Variants in FAM149A observed in about 807,000 individuals in gnomAD.
FAM149A encodes the protein family with sequence similarity 149 member A.
A neutral mutation model predicts 78.2 loss-of-function variants in FAM149A; 71 were observed. The ratio of observed to expected loss-of-function variants is 0.91; its 90% CI spans 0.75 to 1.11. FAM149A has a LOEUF of 1.11. Among genes scored for constraint, FAM149A ranks in the 50% least tolerant of loss-of-function variants. The pLI, the probability that FAM149A is intolerant of heterozygous loss-of-function variation, is 0.00. For missense variants in FAM149A, 1,036 were observed against 971.0 expected (o/e 1.07, Z -0.89); for synonymous variants, 446 against 410.5 (o/e 1.09, Z -1.04).
At chr4:186,136,980 C>CTCTCTCTCTCTCTCTCTCTCTT (rs2099323369) in intron 1 of FAM149A, among the ~76,000 whole-genome samples, 1 of 116,008 alleles carries the variant, frequency 8.6e-6, no homozygotes, top group Non-Finnish European at 1.8e-5. Context: ...CTCTCTTTCT[C>CTCTCTCTCTCTCTCTCTCTCTT]TCTCTCTCTC....
chr4:186,154,683 A>T, intron 6 of FAM149A, 45 bp downstream of exon 6: 1 of 1,545,844 alleles, frequency 6.5e-7, no homozygotes, highest in Non-Finnish European at 8.8e-7. Context: ...AATAATATTA[A>T]TTTATTTGAC....
chr4:186,105,690 C>G, intron 1 of FAM149A, 48 bp downstream of exon 1: 1 of 1,023,544 alleles, frequency 9.8e-7, no homozygotes, highest in Non-Finnish European at 1.2e-6. Context: ...CCGGGACCCC[C>G]GACCCCTCCG....
chr4:186,146,854 G>A, intron 1 of FAM149A: 1 of 985,464 alleles, frequency 1.0e-6, no homozygotes, highest in Non-Finnish European at 1.2e-6. Context: ...ATTCTGTAGT[G>A]AAAATGAGTT....
intron 6 of FAM149A, chr4:186,154,851 A>G (rs996432774): frequency 2.0e-6 from 2 of 985,212 alleles, no homozygotes; most frequent in African/African-American, 1.7e-5. Flanking sequence ...GTGCCCTTGT[A>G]AAAGCAGACA....
intron 8 of FAM149A, chr4:186,158,276 C>T (rs1370852635): frequency 8.1e-7 from 1 of 1,227,948 alleles, no homozygotes; most frequent in African/African-American, 1.6e-5. Context: ...AGGCGACCAC[C>T]AGCCTCTCAG....
chr4:186,105,624 A>C lies in FAM149A; in HGVS notation c.548A>C (p.Asp183Ala). ...GGCGAGGAGGGGGCCTCGGACGGCG[A>C]CTCCGGGGATGGCGAAGCGTGAGTA... The change falls in exon 1 of 14, where the codon GAC (aspartate) becomes GCC (alanine). Residue 183 changes from aspartate to alanine, a missense_variant. This residue lies in a region of FAM149A where 316 missense variants were observed against 241.9 expected (regional missense o/e 1.31). Coordinates refer to ENST00000389354, the MANE Select transcript of FAM149A (RefSeq NM_001367768.3). The C allele has an allele frequency of 9.5e-7, 1 of 1,049,782 alleles. No homozygotes were observed. The highest frequency in any genetic ancestry group is 2.6e-5 in the South Asian group (1 of 38,462). The allele number at this position is 1,049,782 out of a possible 1,614,324, so 65.0% of individuals were successfully genotyped here. A position where few individuals can be genotyped will look rare whatever the true frequency, so the allele number is the denominator to read the frequency against.
At chr4:186,166,649 TAAAA>T (rs76402174) in intron 11 of FAM149A, among the ~76,000 whole-genome samples, 2,393 of 105,030 alleles carry the variant, frequency 0.023, 78 homozygotes, top group African/African-American at 0.077. Flanking sequence ...AGACTCTGTT[TAAAA>T]AAAAAAAAAA....
At chr4:186,136,990 C>CTCTCTCTCTCTCTCTT (rs2099323457) in intron 1 of FAM149A, among the ~76,000 whole-genome samples, 2 of 92,796 alleles carry the variant, frequency 2.2e-5, no homozygotes, top group African/African-American at 6.4e-5. Flanking sequence ...CTCTCTCTCT[C>CTCTCTCTCTCTCTCTT]TCTCTCTCTC....
chr4:186,157,596 G>A lies in FAM149A; in HGVS notation c.1452G>A (p.Val484=). The A allele has an allele frequency of 6.2e-7, 1 of 1,614,164 alleles. No homozygotes were observed. The highest frequency in any genetic ancestry group is 8.5e-7 in the Non-Finnish European group (1 of 1,179,988). ...AAAAACAGAGAGAAACATTGAAAGT[G>A]GCTGGAAACAGATTTCCGCACGTCC... Residue 484 remains valine (V), a synonymous_variant, in exon 8 of 14, where the codon GTG becomes GTA. Transcript: ENST00000389354.
intron 1 of FAM149A, among the ~76,000 whole-genome samples, chr4:186,119,876 T>A (rs2099315239): frequency 6.6e-6 from 1 of 152,200 alleles, no homozygotes; most frequent in African/African-American, 2.4e-5. Flanking sequence ...CCAGTTGAAC[T>A]AAGAGCCTAC....
chr4:186,108,966 G>C (rs1161038875), intron 1 of FAM149A: 4 of 151,186 alleles, frequency 2.6e-5, no homozygotes, highest in Non-Finnish European at 4.4e-5. Context: ...TCCTGCCTCA[G>C]CCTCCCGAGT....
intron 8 of FAM149A, 144 bp downstream of exon 8, chr4:186,157,863 G>A (rs1877321): frequency 0.24 from 374,984 of 1,543,270 alleles, 46,418 homozygotes; most frequent in Middle Eastern, 0.34. Flanking sequence ...GGCTTTCCAT[G>A]GTAACTTAAA....
At position 186,136,964 on chromosome 4, in the gene FAM149A, T is replaced by TTCTCTCTCTCTC. The variant is rs1386094089; in HGVS notation, c.567-12198_567-12197insCTCTCTCTCTCT. Among the ~76,000 whole-genome samples the TTCTCTCTCTCTC allele has an allele frequency of 3.0e-4, 29 of 97,102 alleles. 2 individuals carry two copies. The highest frequency in any genetic ancestry group is 1.2e-3 in the African/African-American group (27 of 22,490). The allele number at this position is 97,102 out of a possible 152,430, so 63.7% of individuals were successfully genotyped here. On this transcript the variant is annotated intron_variant, in intron 1 of 13. Transcript: ENST00000389354. ...TCTCTCTCTCTCTCTCTCTCTCTCT[T>TTCTCTCTCTCTC]TCTCTCTCTCTTTCTCTCTCTCTCT...
Position 186,149,642 on chromosome 4 carries a change from A to T in FAM149A, c.727A>T (p.Thr243Ser), listed in dbSNP as rs559335027. 1 of 1,290,066 alleles carries T rather than the reference A, an allele frequency of 7.8e-7. No individual in the cohort carries two copies. Among genetic ancestry groups the T allele is most frequent in the African/African-American group, 1.5e-5 (1 of 65,980 alleles). 79.9% of individuals were successfully genotyped at this position (1,290,066 alleles called of 1,614,324 possible). The change falls in exon 3 of 14, where the codon ACA (threonine) becomes TCA (serine). Residue 243 changes from threonine (T) to serine (S), a missense_variant. Around this residue, in one of 3 missense-constraint regions of FAM149A, gnomAD observed 716 missense variants for 711.8 expected, o/e 1.01. Coordinates refer to ENST00000389354, the MANE Select transcript of FAM149A (RefSeq NM_001367768.3). ...CCACACCTCTTGGTCTGGGTCGGCC[A>T]CACAGAGCTCTACCACCGGCTCATC... is the stretch of plus-strand genomic sequence containing the variant.
chr4:186,117,169 C>T (rs890020823), intron 1 of FAM149A, among the ~76,000 whole-genome samples: 1 of 152,144 alleles, frequency 6.6e-6, no homozygotes, highest in Non-Finnish European at 1.5e-5. Context: ...TAATAAATAT[C>T]TATTACATGA....
intron 1 of FAM149A, among the ~76,000 whole-genome samples, chr4:186,136,976 T>TCTCTCTCTCTCTCTCTC (rs2099323291): frequency 5.5e-5 from 4 of 72,094 alleles, no homozygotes; most frequent in African/African-American, 1.2e-4. Flanking sequence ...CTCTCTCTCT[T>TCTCTCTCTCTCTCTCTC]TCTCTCTCTC....
chr4:186,167,551 G>C (rs2126547295), intron 13 of FAM149A: 1 of 449,146 alleles, frequency 2.2e-6, no homozygotes, highest in Non-Finnish European at 4.1e-6. Context: ...TAGGAGCAGT[G>C]AGTACCTCTG....
At chr4:186,125,650 AAGGCACTC>A (rs1198958385) in intron 1 of FAM149A, 10 of 933,456 alleles carry the variant, frequency 1.1e-5, no homozygotes, top group Non-Finnish European at 1.3e-5. Flanking sequence ...TCATTCCCAT[AAGGCACTC>A]AGCAGAGCGC....
chr4:186,117,236 G>T (rs751188957), intron 1 of FAM149A, among the ~76,000 whole-genome samples: 1 of 152,016 alleles, frequency 6.6e-6, no homozygotes, highest in Non-Finnish European at 1.5e-5. Context: ...ACAAAATACA[G>T]TTTATTGCTA....
Sources: gnomAD v4.1 joint callset for allele counts (sites outside exome capture counted in the v4.1 genomes callset) on GRCh38, gnomAD v4.1.1 for gene constraint, gnomAD v4.1.1 regional missense constraint, MANE v1.5 for transcripts, NCBI Gene and HGNC (gene_info 2026-07-23, HGNC 2026-07-21) for gene names.